NR1H4: variants seen among roughly 807,000 people sequenced by gnomAD.
The protein encoded by NR1H4 is nuclear receptor subfamily 1 group H member 4, also known as bile acid receptor.
A neutral mutation model predicts 58.5 loss-of-function variants in NR1H4; 23 were observed. That is an observed-to-expected ratio of 0.39 (90% confidence interval 0.28 to 0.56). NR1H4 has a LOEUF of 0.56. Ranked by LOEUF, NR1H4 falls within the 20% of genes least tolerant of loss-of-function variation. The probability of loss-of-function intolerance (pLI) is 0.58; values close to 1 mark genes in which losing one functional copy is unlikely to be tolerated. For missense variants in NR1H4, 487 were observed against 576.9 expected (o/e 0.84, Z 1.60); for synonymous variants, 214 against 198.0 (o/e 1.08, Z -0.68).
intron 9 of NR1H4, among the ~76,000 whole-genome samples, chr12:100,543,754 A>G (rs1954992454): frequency 6.6e-6 from 1 of 152,136 alleles, no homozygotes; most frequent in Admixed American, 6.5e-5. Context: ...CATAATCAAT[A>G]ATTGACAGTT....
intron 9 of NR1H4, among the ~76,000 whole-genome samples, chr12:100,543,559 T>C (rs1467025436): frequency 6.9e-6 from 1 of 145,636 alleles, no homozygotes; most frequent in Non-Finnish European, 1.5e-5. Flanking sequence ...TCTGGACAGA[T>C]TGTGTGTGTG....
chr12:100,531,434 G>A (rs1053099278), intron 4 of NR1H4, among the ~76,000 whole-genome samples: 1 of 152,118 alleles, frequency 6.6e-6, no homozygotes, highest in African/African-American at 2.4e-5. Context: ...CAGCCTGGGC[G>A]ACAGAACAAG....
chr12:100,559,330 G>T (rs1358460155), intron 9 of NR1H4, among the ~76,000 whole-genome samples: 1 of 152,224 alleles, frequency 6.6e-6, no homozygotes, highest in Non-Finnish European at 1.5e-5. Context: ...GCCCCTTTCA[G>T]GGCTGGCCAA....
intron 9 of NR1H4, among the ~76,000 whole-genome samples, chr12:100,556,288 A>G (rs1955321196): frequency 6.6e-6 from 1 of 151,880 alleles, no homozygotes; most frequent in African/African-American, 2.4e-5. Flanking sequence ...ACCAACATGG[A>G]GAAACCCCGT....
At chr12:100,516,588 C>A (rs1027664197) in intron 4 of NR1H4, among the ~76,000 whole-genome samples, 1 of 152,084 alleles carries the variant, frequency 6.6e-6, no homozygotes, top group Non-Finnish European at 1.5e-5. Context: ...GAATGATCTC[C>A]ATCTCCTGAC....
At chr12:100,516,515 T>C (rs536013266) in intron 4 of NR1H4, among the ~76,000 whole-genome samples, 42 of 152,092 alleles carry the variant, frequency 2.8e-4, no homozygotes, top group African/African-American at 9.6e-4. Flanking sequence ...TACAGGCACC[T>C]GCCACCACGC....
chr12:100,558,887 C>G (rs1593139754), intron 9 of NR1H4, among the ~76,000 whole-genome samples: 1 of 152,204 alleles, frequency 6.6e-6, no homozygotes, highest in Admixed American at 6.5e-5. Context: ...CCTAGTTCCA[C>G]CTCTCTCAGC....
chr12:100,552,592 T>G (rs1955227324), intron 9 of NR1H4, among the ~76,000 whole-genome samples: 1 of 152,174 alleles, frequency 6.6e-6, no homozygotes, highest in African/African-American at 2.4e-5. Flanking sequence ...TATTATGTCT[T>G]CAGAAGGATG....
intron 4 of NR1H4, among the ~76,000 whole-genome samples, chr12:100,528,480 T>C (rs1182632681): frequency 6.6e-6 from 1 of 152,160 alleles, no homozygotes; most frequent in Non-Finnish European, 1.5e-5. Flanking sequence ...AGGGATCCCA[T>C]TGGTGCTACA....
At chr12:100,552,299 A>G (rs968847886) in intron 9 of NR1H4, among the ~76,000 whole-genome samples, 1 of 152,300 alleles carries the variant, frequency 6.6e-6, no homozygotes, top group African/African-American at 2.4e-5. Flanking sequence ...CATGTATTAT[A>G]TATTTTAAAT....
intron 9 of NR1H4, among the ~76,000 whole-genome samples, chr12:100,547,590 C>A (rs1388483937): frequency 2.0e-5 from 3 of 152,096 alleles, no homozygotes; most frequent in South Asian, 4.1e-4. Context: ...CTTCCAAAAC[C>A]AAAGTCAGGC....
intron 4 of NR1H4, among the ~76,000 whole-genome samples, chr12:100,515,989 C>CAA (rs1157232487): frequency 2.6e-5 from 4 of 152,144 alleles, no homozygotes; most frequent in African/African-American, 9.7e-5. Flanking sequence ...GAAAGGGGCC[C>CAA]AAGAATCTGT....
At chr12:100,516,863 T>A (rs1157400761) in intron 4 of NR1H4, among the ~76,000 whole-genome samples, 1 of 152,224 alleles carries the variant, frequency 6.6e-6, no homozygotes, top group Admixed American at 6.5e-5. Flanking sequence ...ATACACTTAT[T>A]AATTCTCATA....
At chr12:100,547,018 A>G (rs765551814) in intron 9 of NR1H4, among the ~76,000 whole-genome samples, 4 of 152,284 alleles carry the variant, frequency 2.6e-5, no homozygotes, top group South Asian at 4.1e-4. Context: ...GGTGGACCTC[A>G]GTACTTTCCA....
At chr12:100,513,400 ATC>A (rs1012987063) in intron 4 of NR1H4, among the ~76,000 whole-genome samples, 10 of 152,204 alleles carry the variant, frequency 6.6e-5, no homozygotes, top group Non-Finnish European at 1.2e-4. Flanking sequence ...GAAGTGGCAG[ATC>A]TTTTTGAGCT....
chr12:100,537,895 G>T (rs1954849636), intron 8 of NR1H4, among the ~76,000 whole-genome samples: 1 of 152,136 alleles, frequency 6.6e-6, no homozygotes, highest in African/African-American at 2.4e-5. Context: ...TGTATTTTTA[G>T]TAGAGATGGG....
chr12:100,504,302 C>A (rs115679737), intron 3 of NR1H4, among the ~76,000 whole-genome samples: 2,079 of 152,180 alleles, frequency 0.014, 53 homozygotes, highest in African/African-American at 0.047. Flanking sequence ...AAACTCGAGT[C>A]ATTTTTATAA....
At chr12:100,556,337 C>T (rs560325855) in intron 9 of NR1H4, among the ~76,000 whole-genome samples, 1 of 151,906 alleles carries the variant, frequency 6.6e-6, no homozygotes, top group African/African-American at 2.4e-5. Context: ...CATGGTGGTG[C>T]ATGCCTGTAA....
At chr12:100,532,792 A>G (rs1454931882) in intron 5 of NR1H4, among the ~76,000 whole-genome samples, 182 bp downstream of exon 5, 1 of 152,148 alleles carries the variant, frequency 6.6e-6, no homozygotes, top group Non-Finnish European at 1.5e-5. Flanking sequence ...CATTTTAGTC[A>G]CCCGAAAGAA....
Sources: allele counts gnomAD v4.1 joint callset (sites outside exome capture counted in the v4.1 genomes callset), GRCh38; gene constraint gnomAD v4.1.1; transcripts MANE v1.5; gene names NCBI Gene and HGNC (gene_info 2026-07-23, HGNC 2026-07-21).